FYN: variants seen among roughly 807,000 people sequenced by gnomAD.
The protein encoded by FYN is tyrosine-protein kinase Fyn.
FYN carries 10 observed loss-of-function variants against 70.2 expected under a neutral mutation model. The ratio of observed to expected loss-of-function variants is 0.14; its 90% CI spans 0.09 to 0.24. The LOEUF is 0.24. Among genes scored for constraint, FYN ranks in the 10% least tolerant of loss-of-function variants. The probability of loss-of-function intolerance (pLI) is 1.00; values close to 1 mark genes in which losing one functional copy is unlikely to be tolerated. For missense variants in FYN, 319 were observed against 673.1 expected (o/e 0.47, Z 5.82); for synonymous variants, 236 against 248.6 (o/e 0.95, Z 0.48).
At chr6:111,823,287 C>T (rs771149666) in intron 2 of FYN, among the ~76,000 whole-genome samples, 6 of 152,164 alleles carry the variant, frequency 3.9e-5, no homozygotes, top group Non-Finnish European at 7.4e-5. Context: ...CAGCCCCAGC[C>T]GTGGCTGCTG....
chr6:111,817,126 G>A (rs1772514266), intron 2 of FYN, among the ~76,000 whole-genome samples: 1 of 152,080 alleles, frequency 6.6e-6, no homozygotes, highest in African/African-American at 2.4e-5. Context: ...AGCTTATAGA[G>A]TACAATCCCA....
At chr6:111,761,135 T>C (rs958576927) in intron 3 of FYN, among the ~76,000 whole-genome samples, 1 of 152,190 alleles carries the variant, frequency 6.6e-6, no homozygotes, top group Admixed American at 6.5e-5. Context: ...CAACTCAACA[T>C]ACATAATACA....
At chr6:111,723,026 G>A (rs1019504227) in intron 3 of FYN, among the ~76,000 whole-genome samples, 16 of 152,182 alleles carry the variant, frequency 1.1e-4, no homozygotes, top group African/African-American at 3.9e-4. Context: ...AGAAGCTTGT[G>A]CACTGTGATA....
chr6:111,696,468 C>T lies in FYN; in HGVS notation c.863-12G>A, dbSNP rs758065081. 1 of 1,565,592 alleles carries T rather than the reference C, an allele frequency of 6.4e-7. No homozygotes were observed. The highest frequency in any genetic ancestry group is 8.7e-7 in the Non-Finnish European group (1 of 1,151,702). ...TCCATTCCAGGTACCTACAAACATC[C>T]CAGAATATGAAGTCAAACCAAAGAT... On this transcript the variant is annotated splice_polypyrimidine_tract_variant and intron_variant, in intron 9 of 13. Transcript: ENST00000354650.
intron 2 of FYN, among the ~76,000 whole-genome samples, chr6:111,813,193 C>T (rs907585389): frequency 6.6e-6 from 1 of 152,138 alleles, no homozygotes; most frequent in Non-Finnish European, 1.5e-5. Flanking sequence ...GATATTTTCC[C>T]TCTGCTAGAT....
chr6:111,859,222 T>C (rs1773897971), intron 1 of FYN, among the ~76,000 whole-genome samples: 1 of 152,214 alleles, frequency 6.6e-6, no homozygotes, highest in Non-Finnish European at 1.5e-5. Flanking sequence ...AGCTGATTCA[T>C]ATGATGTTTT....
At chr6:111,779,294 G>C (rs772009670) in intron 3 of FYN, among the ~76,000 whole-genome samples, 1 of 151,910 alleles carries the variant, frequency 6.6e-6, no homozygotes, top group Non-Finnish European at 1.5e-5. Flanking sequence ...CACAGGTAAA[G>C]GCCCCACCCA....
At chr6:111,727,788 A>C (rs989408412) in intron 3 of FYN, among the ~76,000 whole-genome samples, 8 of 152,182 alleles carry the variant, frequency 5.3e-5, no homozygotes, top group African/African-American at 1.9e-4. Context: ...CACTCTTAAA[A>C]ATGTCATGTT....
intron 3 of FYN, among the ~76,000 whole-genome samples, chr6:111,775,470 C>G (rs1225043704): frequency 6.6e-6 from 1 of 152,192 alleles, no homozygotes; most frequent in African/African-American, 2.4e-5. Flanking sequence ...CACAGTAACA[C>G]AGAAGTTGAC....
chr6:111,774,766 T>C (rs768332601), intron 3 of FYN, among the ~76,000 whole-genome samples: 1 of 152,114 alleles, frequency 6.6e-6, no homozygotes, highest in Non-Finnish European at 1.5e-5. Flanking sequence ...TCACCCAGGC[T>C]GGAGTGCAGT....
chr6:111,819,951 A>C (rs1772605918), intron 2 of FYN: 1 of 152,260 alleles, frequency 6.6e-6, no homozygotes, highest in Non-Finnish European at 1.5e-5. Context: ...AAACTCATCC[A>C]TCCCTGACAA....
At chr6:111,754,787 A>G (rs1181856961) in intron 3 of FYN, 1 of 152,044 alleles carries the variant, frequency 6.6e-6, no homozygotes, top group East Asian at 1.9e-4. Context: ...CCTTAACACA[A>G]ACACACAAAC....
chr6:111,742,330 G>A (rs926725843), intron 3 of FYN, among the ~76,000 whole-genome samples: 2 of 152,088 alleles, frequency 1.3e-5, no homozygotes, highest in African/African-American at 4.8e-5. Flanking sequence ...ATTCAGAGTG[G>A]CAAATCAACA....
intron 2 of FYN, among the ~76,000 whole-genome samples, chr6:111,790,546 A>C (rs957224556): frequency 1.3e-5 from 2 of 152,104 alleles, no homozygotes; most frequent in African/African-American, 2.4e-5. Context: ...AACACTGGAG[A>C]CCAAGGGCAT....
chr6:111,795,903 G>A (rs1771789515), intron 2 of FYN, among the ~76,000 whole-genome samples: 2 of 152,166 alleles, frequency 1.3e-5, no homozygotes, highest in South Asian at 4.1e-4. Context: ...CTGAGAGTAG[G>A]TTGAGATTGT....
At chr6:111,789,828 A>T (rs1470262953) in intron 2 of FYN, among the ~76,000 whole-genome samples, 1 of 152,228 alleles carries the variant, frequency 6.6e-6, no homozygotes, top group Non-Finnish European at 1.5e-5. Context: ...ATGCAAGCGC[A>T]GCTGCTGGAC....
intron 9 of FYN, among the ~76,000 whole-genome samples, chr6:111,698,694 CAAAT>C (rs1799688146): frequency 6.6e-6 from 1 of 152,150 alleles, no homozygotes; most frequent in Admixed American, 6.5e-5. Flanking sequence ...CAATGACAAT[CAAAT>C]AAAGAGAAGT....
At chr6:111,733,016 G>A (rs1324627720) in intron 3 of FYN, among the ~76,000 whole-genome samples, 1 of 152,140 alleles carries the variant, frequency 6.6e-6, no homozygotes, top group African/African-American at 2.4e-5. Flanking sequence ...ATAACAGGGA[G>A]TCTGCAGCAA....
In FYN at chr6:111,743,426, C is replaced by A. The variant is rs539944735; in HGVS notation, c.-11-23364G>T. Among the ~76,000 whole-genome samples the A allele has an allele frequency of 1.4e-4, 22 of 152,300 alleles. No homozygotes were observed. The East Asian group carries it at 4.2e-3, about 29-fold the overall frequency. On this transcript the variant is annotated intron_variant, in intron 3 of 13. Coordinates refer to ENST00000354650, the MANE Select transcript of FYN (RefSeq NM_002037.5). ...GAGGCAGCTGTATAAATGGGTTTTA[C>A]ATGAAAATAAAATGAAATACTTTGA...
Sources: allele counts gnomAD v4.1 joint callset (sites outside exome capture counted in the v4.1 genomes callset), GRCh38; gene constraint gnomAD v4.1.1; transcripts MANE v1.5; gene names NCBI Gene and HGNC (gene_info 2026-07-23, HGNC 2026-07-21).